The following ATP9B variants were observed in gnomAD, a reference collection of about 807,000 sequenced individuals.
ATP9B encodes ATPase phospholipid transporting 9B, also known as probable phospholipid-transporting ATPase IIB.
Under a neutral mutation model 146.1 loss-of-function variants are expected in ATP9B, and 110 were observed. The ratio of observed to expected loss-of-function variants is 0.75; its 90% confidence interval spans 0.65 to 0.88. The LOEUF (loss-of-function observed/expected upper bound fraction) is 0.88, where lower values mean the gene tolerates loss of function less well. Ranked by LOEUF, ATP9B falls within the 40% of genes least tolerant of loss-of-function variation. ATP9B has a pLI of 0.00. For synonymous variants in ATP9B, 604 were observed against 569.7 expected (o/e 1.06, Z -0.86); for missense variants, 1,499 against 1,496.4 (o/e 1.00, Z -0.03).
At chr18:79,106,289 C>T (rs677299) in intron 2 of ATP9B, among the ~76,000 whole-genome samples, 20,326 of 152,180 alleles carry the variant, frequency 0.13, 1,444 homozygotes, top group East Asian at 0.2. Flanking sequence ...GCTTCTCCCT[C>T]GTTGTGCAAT....
At chr18:79,376,314 G>T (rs971706950) in intron 29 of ATP9B, 75 of 985,228 alleles carry the variant, frequency 7.6e-5, no homozygotes, top group Non-Finnish European at 9.0e-5. Flanking sequence ...TAGTACTTCA[G>T]TGCCTTCACA....
At chr18:79,280,582 T>TA (rs1226139620) in intron 13 of ATP9B, among the ~76,000 whole-genome samples, 3 of 152,196 alleles carry the variant, frequency 2.0e-5, no homozygotes, top group Non-Finnish European at 2.9e-5. Flanking sequence ...CTCTTTTTTT[T>TA]ATTGATTAGC....
chr18:79,279,336 G>A (rs533748722), intron 13 of ATP9B, among the ~76,000 whole-genome samples: 4 of 152,308 alleles, frequency 2.6e-5, no homozygotes, highest in African/African-American at 4.8e-5. Context: ...CCCTTTGGAG[G>A]AACAGGTTTA....
rs145706531 is a variant in ATP9B, at chr18:79,105,501, T to G, written c.294-4854T>G. On this transcript the variant is annotated intron_variant, in intron 2 of 29. Coordinates refer to ENST00000426216, the MANE Select transcript of ATP9B (RefSeq NM_198531.5). ...AGTAGGCTTTAATTTCTTCATGGCTTGAGACCTGCTTTCTCATTTTTATTT... is the reference window on the plus strand; with the variant it reads ...AGTAGGCTTTAATTTCTTCATGGCTGGAGACCTGCTTTCTCATTTTTATTT... Among the ~76,000 whole-genome samples the G allele has an allele frequency of 9.9e-4, 151 of 152,338 alleles. 1 individual carries two copies. Among genetic ancestry groups the G allele is most frequent in the Non-Finnish European group, 3.8e-4 (26 of 68,024 alleles).
chr18:79,343,366 G>T (rs1376126303), intron 20 of ATP9B, among the ~76,000 whole-genome samples: 1 of 151,958 alleles, frequency 6.6e-6, no homozygotes, highest in African/African-American at 2.4e-5. Flanking sequence ...CCTATTAATA[G>T]GACTATTAAT....
chr18:79,295,314 G>A (rs988851538), intron 13 of ATP9B, among the ~76,000 whole-genome samples: 13 of 152,194 alleles, frequency 8.5e-5, no homozygotes, highest in African/African-American at 2.4e-4. Flanking sequence ...AAATTGGCAC[G>A]TAATTATGTT....
At chr18:79,177,059 G>C in intron 8 of ATP9B, 152 bp downstream of exon 8, 2 of 665,550 alleles carry the variant, frequency 3.0e-6, no homozygotes, top group Non-Finnish European at 4.8e-6. Flanking sequence ...TTGAAGAATT[G>C]TGCCAAAATA....
intron 9 of ATP9B, among the ~76,000 whole-genome samples, chr18:79,199,929 G>C (rs1245658390): frequency 6.6e-6 from 1 of 152,076 alleles, no homozygotes; most frequent in Non-Finnish European, 1.5e-5. Flanking sequence ...GTGTTTTTCT[G>C]GCAGAACCCT....
chr18:79,290,613 T>G (rs1422134924), intron 13 of ATP9B, among the ~76,000 whole-genome samples: 1 of 152,194 alleles, frequency 6.6e-6, no homozygotes, highest in East Asian at 1.9e-4. Flanking sequence ...CAACATGCGC[T>G]GCACCCACTG....
chr18:79,296,358 A>G (rs1380369575), intron 13 of ATP9B, among the ~76,000 whole-genome samples: 2 of 152,216 alleles, frequency 1.3e-5, no homozygotes, highest in Non-Finnish European at 2.9e-5. Context: ...TTAATAACAC[A>G]TAGTTTCAAA....
At chr18:79,173,564 A>G in intron 7 of ATP9B, 1 of 400,044 alleles carries the variant, frequency 2.5e-6, no homozygotes, top group Admixed American at 3.1e-5. Context: ...CTCTAGCGTC[A>G]TTTATAGTGA....
intron 13 of ATP9B, among the ~76,000 whole-genome samples, chr18:79,303,006 G>T (rs932566186): frequency 1.3e-5 from 2 of 152,106 alleles, no homozygotes; most frequent in African/African-American, 4.8e-5. Flanking sequence ...AGTTGCATTC[G>T]TTCCAAATAA....
intron 9 of ATP9B, among the ~76,000 whole-genome samples, chr18:79,200,750 T>G (rs7233710): frequency 1.2e-4 from 9 of 73,856 alleles, no homozygotes; most frequent in African/African-American, 2.3e-4. Context: ...AGAGCAGAGG[T>G]GGAGGTGGGA....
At chr18:79,156,871 T>C (rs2094791282) in intron 7 of ATP9B, among the ~76,000 whole-genome samples, 2 of 152,182 alleles carry the variant, frequency 1.3e-5, no homozygotes, top group South Asian at 2.1e-4. Flanking sequence ...ACTCATCTCA[T>C]AGTGCATTGC....
chr18:79,104,164 C>T (rs564671298), intron 2 of ATP9B, among the ~76,000 whole-genome samples: 1 of 152,282 alleles, frequency 6.6e-6, no homozygotes, highest in Non-Finnish European at 1.5e-5. Context: ...TGGAATAGCT[C>T]TGTGGCAAAT....
chr18:79,355,988 G>A (rs897683549), intron 25 of ATP9B, among the ~76,000 whole-genome samples: 3 of 152,348 alleles, frequency 2.0e-5, no homozygotes, highest in South Asian at 2.1e-4. Flanking sequence ...CTTCCGGAAA[G>A]GAAAGGGGGT....
At chr18:79,313,546 G>A (rs1377176188) in intron 15 of ATP9B, among the ~76,000 whole-genome samples, 1 of 152,188 alleles carries the variant, frequency 6.6e-6, no homozygotes, top group African/African-American at 2.4e-5. Flanking sequence ...AAAGAAAACT[G>A]TATTTGAAGT....
At chr18:79,262,795 G>T (rs1418343159) in intron 12 of ATP9B, among the ~76,000 whole-genome samples, 1 of 152,156 alleles carries the variant, frequency 6.6e-6, no homozygotes, top group Non-Finnish European at 1.5e-5. Flanking sequence ...CAGTTTCAGA[G>T]TTAAGGTGCC....
intron 12 of ATP9B, among the ~76,000 whole-genome samples, chr18:79,259,965 G>T (rs1260696761): frequency 6.6e-6 from 1 of 152,112 alleles, no homozygotes; most frequent in African/African-American, 2.4e-5. Flanking sequence ...TTGATGATTT[G>T]GAAAATTTGG....
Sources: gnomAD v4.1 joint callset for allele counts (sites outside exome capture counted in the v4.1 genomes callset) on GRCh38, gnomAD v4.1.1 for gene constraint, MANE v1.5 for transcripts, NCBI Gene and HGNC (gene_info 2026-07-23, HGNC 2026-07-21) for gene names.